The following PITPNC1 variants were observed in gnomAD, a reference collection of about 807,000 sequenced individuals.
The protein encoded by PITPNC1 is phosphatidylinositol transfer protein cytoplasmic 1.
PITPNC1 carries 18 observed loss-of-function variants against 44.7 expected under a neutral mutation model. The observed-to-expected ratio is 0.40, with a 90% CI of 0.28 to 0.60. The LOEUF is 0.60. Among genes scored for constraint, PITPNC1 ranks in the 20% least tolerant of loss-of-function variants. The pLI is 0.39. For synonymous variants in PITPNC1, 141 were observed against 149.6 expected, an observed-to-expected ratio of 0.94 and a Z score of 0.42; for missense variants, 290 against 418.4, an observed-to-expected ratio of 0.69 and a Z score of 2.68.
chr17:67,430,822 C>G (rs549665039), intron 1 of PITPNC1, among the ~76,000 whole-genome samples: 196 of 151,368 alleles, frequency 1.3e-3, no homozygotes, highest in Admixed American at 3.3e-3. Flanking sequence ...TATGCAGTGG[C>G]ATGTGTCTGT....
intron 1 of PITPNC1, among the ~76,000 whole-genome samples, chr17:67,458,220 G>A (rs1189598474): frequency 6.6e-6 from 1 of 152,096 alleles, no homozygotes; most frequent in African/African-American, 2.4e-5. Context: ...TTCCTTCACA[G>A]GTGTTTTTCC....
At chr17:67,388,678 G>A (rs907558027) in intron 1 of PITPNC1, among the ~76,000 whole-genome samples, 5 of 152,072 alleles carry the variant, frequency 3.3e-5, no homozygotes, top group African/African-American at 1.2e-4. Context: ...GGAGTGCAGT[G>A]TGCATGATCT....
chr17:67,576,882 T>C (rs1282593947), intron 4 of PITPNC1, among the ~76,000 whole-genome samples: 1 of 152,236 alleles, frequency 6.6e-6, no homozygotes, highest in African/African-American at 2.4e-5. Context: ...ATCATTTTAT[T>C]AATATTTAAC....
At chr17:67,456,373 C>CT (rs1274409646) in intron 1 of PITPNC1, among the ~76,000 whole-genome samples, 4 of 152,192 alleles carry the variant, frequency 2.6e-5, no homozygotes, top group Non-Finnish European at 5.9e-5. Flanking sequence ...TTTAAACCAG[C>CT]TATTAATAAC....
chr17:67,400,718 CT>C (rs2038294953), intron 1 of PITPNC1, among the ~76,000 whole-genome samples: 1 of 151,628 alleles, frequency 6.6e-6, no homozygotes, highest in African/African-American at 2.4e-5. Flanking sequence ...CTTCTTATAG[CT>C]GATGTACTCT....
chr17:67,573,793 T>C (rs2041096628), intron 4 of PITPNC1, among the ~76,000 whole-genome samples: 1 of 151,944 alleles, frequency 6.6e-6, no homozygotes, highest in African/African-American at 2.4e-5. Flanking sequence ...ACTCCTGACC[T>C]CAGGTGATCC....
chr17:67,441,727 T>C lies in PITPNC1; in HGVS notation c.48+63525T>C, dbSNP rs972763927. Among the ~76,000 whole-genome samples the C allele has an allele frequency of 8.5e-5, 13 of 152,278 alleles. No individual in the cohort carries two copies. In the South Asian group the frequency reaches 1.2e-3, roughly 15 times the overall value. On this transcript the variant is annotated intron_variant, in intron 1 of 8. Transcript: ENST00000581322. Reference sequence around the variant, plus strand: ...AGAAGAGTGTCACTAAAATAACTTATTACACTTTGAGGGTCTTAGTCGTCA... The same window carrying C: ...AGAAGAGTGTCACTAAAATAACTTACTACACTTTGAGGGTCTTAGTCGTCA...
chr17:67,581,218 C>T (rs892085540), intron 5 of PITPNC1, among the ~76,000 whole-genome samples: 3 of 152,206 alleles, frequency 2.0e-5, no homozygotes, highest in African/African-American at 7.2e-5. Context: ...TTTTTGACTA[C>T]TCTCCTAGGA....
intron 1 of PITPNC1, among the ~76,000 whole-genome samples, chr17:67,493,843 C>G (rs2039894550): frequency 6.6e-6 from 1 of 152,214 alleles, no homozygotes; most frequent in Non-Finnish European, 1.5e-5. Context: ...GAGAAAAATT[C>G]AGGTCCACCA....
chr17:67,596,476 A>G (rs568394580), intron 5 of PITPNC1, among the ~76,000 whole-genome samples: 29 of 151,782 alleles, frequency 1.9e-4, no homozygotes, highest in South Asian at 1.0e-3. Context: ...ACTGTTCCCT[A>G]TTTCTTTGTT....
At chr17:67,407,131 A>G (rs1439566049) in intron 1 of PITPNC1, among the ~76,000 whole-genome samples, 1 of 152,136 alleles carries the variant, frequency 6.6e-6, no homozygotes, top group African/African-American at 2.4e-5. Context: ...TCCCACCTAC[A>G]GTGTACGATG....
chr17:67,430,529 G>GGT (rs1426561659), intron 1 of PITPNC1, among the ~76,000 whole-genome samples: 2 of 151,974 alleles, frequency 1.3e-5, no homozygotes, highest in Non-Finnish European at 2.9e-5. Context: ...TGGCCAGTGT[G>GGT]GTGGCTCATG....
intron 1 of PITPNC1, chr17:67,408,729 C>CCTTCCTTCCTTCCTTTCTTT (rs1420868805): frequency 4.6e-5 from 6 of 131,396 alleles, no homozygotes; most frequent in African/African-American, 1.8e-4. Flanking sequence ...TTCCTTCCTT[C>CCTTCCTTCCTTCCTTTCTTT]CTTTCTTTCT....
At chr17:67,640,350 C>T (rs1598920342) in intron 6 of PITPNC1, among the ~76,000 whole-genome samples, 2 of 152,106 alleles carry the variant, frequency 1.3e-5, no homozygotes, top group Admixed American at 1.3e-4. Context: ...AGCCCTCTCC[C>T]CTTCCAGGGT....
chr17:67,504,206 G>A (rs2144075277), intron 1 of PITPNC1, among the ~76,000 whole-genome samples: 1 of 152,066 alleles, frequency 6.6e-6, no homozygotes, highest in Middle Eastern at 3.4e-3. Flanking sequence ...GGAGTCTGTG[G>A]CATATCCTTC....
At chr17:67,690,038 C>T (rs2934577) in intron 8 of PITPNC1, among the ~76,000 whole-genome samples, 41,170 of 152,042 alleles carry the variant, frequency 0.27, 6,790 homozygotes, top group African/African-American at 0.46. Flanking sequence ...GTCATAATGA[C>T]TTATATCCTT....
intron 4 of PITPNC1, among the ~76,000 whole-genome samples, chr17:67,577,632 T>G (rs539494829): frequency 1.2e-4 from 18 of 150,960 alleles, no homozygotes; most frequent in African/African-American, 4.1e-4. Flanking sequence ...TTAAAAATTT[T>G]TTTTATTTTA....
intron 2 of PITPNC1, among the ~76,000 whole-genome samples, chr17:67,544,142 C>T (rs556900232): frequency 9.8e-5 from 15 of 152,356 alleles, no homozygotes; most frequent in African/African-American, 3.4e-4. Context: ...TGAGCCACCA[C>T]ACCCGGCGTG....
intron 1 of PITPNC1, among the ~76,000 whole-genome samples, chr17:67,507,137 C>A (rs1598754229): frequency 1.3e-5 from 2 of 151,880 alleles, no homozygotes; most frequent in South Asian, 2.1e-4. Context: ...AGAGGCAGGG[C>A]CTTGATGGAA....
Sources: gnomAD v4.1 joint callset for allele counts (sites outside exome capture counted in the v4.1 genomes callset) on GRCh38, gnomAD v4.1.1 for gene constraint, MANE v1.5 for transcripts, NCBI Gene and HGNC (gene_info 2026-07-23, HGNC 2026-07-21) for gene names.